The following SUCLG2 variants were observed in gnomAD, a reference collection of about 807,000 sequenced individuals.
SUCLG2 encodes the protein succinate-CoA ligase GDP-forming subunit beta.
SUCLG2 carries 42 observed loss-of-function variants against 47.9 expected under a neutral mutation model. The ratio of observed to expected loss-of-function variants is 0.88; its 90% CI spans 0.69 to 1.14. SUCLG2 has a LOEUF of 1.14. SUCLG2 is among the 50% of genes most tolerant of loss of function. The pLI is 0.00. For missense variants in SUCLG2, 571 were observed against 525.9 expected, an observed-to-expected ratio of 1.09 and a Z score of -0.84; for synonymous variants, 195 against 197.3, an observed-to-expected ratio of 0.99 and a Z score of 0.10.
intron 9 of SUCLG2, among the ~76,000 whole-genome samples, chr3:67,493,303 G>C (rs1222382881): frequency 6.6e-6 from 1 of 152,114 alleles, no homozygotes; most frequent in Non-Finnish European, 1.5e-5. Flanking sequence ...TCAAGATTTG[G>C]AAAAAGTACT....
At chr3:67,393,783 G>A (rs569207139) in intron 10 of SUCLG2, among the ~76,000 whole-genome samples, 8 of 152,156 alleles carry the variant, frequency 5.3e-5, no homozygotes, top group Non-Finnish European at 1.0e-4. Flanking sequence ...AGCAGGGGCA[G>A]ACTGACACCT....
chr3:67,568,371 A>C (rs1014595164), intron 2 of SUCLG2, among the ~76,000 whole-genome samples: 3 of 152,156 alleles, frequency 2.0e-5, no homozygotes, highest in Admixed American at 2.0e-4. Context: ...AAAGACTAAA[A>C]AGTAATATGA....
At chr3:67,387,600 A>T (rs924486495) in intron 10 of SUCLG2, among the ~76,000 whole-genome samples, 2 of 152,204 alleles carry the variant, frequency 1.3e-5, no homozygotes, top group Non-Finnish European at 2.9e-5. Flanking sequence ...AAAGGAGTGC[A>T]TCTTTTATTT....
intron 6 of SUCLG2, among the ~76,000 whole-genome samples, chr3:67,509,321 A>T (rs1028613901): frequency 1.3e-5 from 2 of 152,258 alleles, no homozygotes; most frequent in Non-Finnish European, 1.5e-5. Flanking sequence ...AACAGTTATT[A>T]TATTCATCAA....
At chr3:67,391,918 A>G (rs1408005841) in intron 10 of SUCLG2, among the ~76,000 whole-genome samples, 2 of 152,124 alleles carry the variant, frequency 1.3e-5, no homozygotes, top group Non-Finnish European at 2.9e-5. Flanking sequence ...CTTGCAAGGT[A>G]AGATGGACCT....
chr3:67,557,059 T>A (rs1368517394), intron 2 of SUCLG2, among the ~76,000 whole-genome samples: 1 of 152,186 alleles, frequency 6.6e-6, no homozygotes, highest in Admixed American at 6.5e-5. Flanking sequence ...ATGACTAGTG[T>A]TTATTCCAAA....
At chr3:67,607,816 T>C (rs1423588729) in intron 2 of SUCLG2, among the ~76,000 whole-genome samples, 1 of 152,188 alleles carries the variant, frequency 6.6e-6, no homozygotes, top group Non-Finnish European at 1.5e-5. Context: ...GTTTTATAAA[T>C]GGGAGTTCCC....
intron 9 of SUCLG2, among the ~76,000 whole-genome samples, chr3:67,410,342 G>C (rs79963093): frequency 6.6e-6 from 1 of 152,110 alleles, no homozygotes; most frequent in Non-Finnish European, 1.5e-5. Context: ...CAGCAGACAG[G>C]GTAGTAGTGG....
chr3:67,504,550 A>G (rs910442757), intron 7 of SUCLG2, among the ~76,000 whole-genome samples: 23 of 152,340 alleles, frequency 1.5e-4, no homozygotes, highest in East Asian at 1.3e-3. Context: ...AGATGCCCCA[A>G]AGCAAGAATT....
At chr3:67,603,625 G>A (rs1412514009) in intron 2 of SUCLG2, among the ~76,000 whole-genome samples, 5 of 152,122 alleles carry the variant, frequency 3.3e-5, no homozygotes, top group African/African-American at 1.2e-4. Context: ...ATAAAACTGA[G>A]CTTTTGAAAC....
intron 7 of SUCLG2, among the ~76,000 whole-genome samples, chr3:67,505,502 C>A (rs866728270): frequency 6.6e-6 from 1 of 152,108 alleles, no homozygotes; most frequent in African/African-American, 2.4e-5. Context: ...GTTCTTTCTC[C>A]GTGTCAAAAA....
At chr3:67,475,607 C>G (rs1229008119) in intron 9 of SUCLG2, among the ~76,000 whole-genome samples, 1 of 152,202 alleles carries the variant, frequency 6.6e-6, no homozygotes, top group Admixed American at 6.5e-5. Context: ...ATTTGCTGAG[C>G]ATGAAGCATT....
chr3:67,463,244 A>G (rs1455875366), intron 9 of SUCLG2, among the ~76,000 whole-genome samples: 1 of 152,254 alleles, frequency 6.6e-6, no homozygotes, highest in African/African-American at 2.4e-5. Context: ...ACACTGACAC[A>G]GAGAAAATAT....
rs750956324 is a variant in SUCLG2, at chr3:67,446,417, ATTT to A, written c.1063-45569_1063-45567del. On this transcript the variant is annotated intron_variant, in intron 9 of 10. Transcript: ENST00000307227. Reference sequence around the variant, plus strand: ...GGTATCTAAATATGTACATATGTACATTTTTTTTTTTTTTTTTTTTTTTTTTTT... The same window carrying A: ...GGTATCTAAATATGTACATATGTACATTTTTTTTTTTTTTTTTTTTTTTTT... Among the ~76,000 whole-genome samples the A allele has an allele frequency of 9.2e-3, 297 of 32,132 alleles. 5 individuals carry two copies. The highest frequency in any genetic ancestry group is 0.031 in the African/African-American group (234 of 7,610). The allele number at this position is 32,132 out of a possible 152,430, so 21.1% of individuals were successfully genotyped here. A position where few individuals can be genotyped will look rare whatever the true frequency, so the allele number is the denominator to read the frequency against.
At chr3:67,627,991 G>GT (rs926524718) in intron 1 of SUCLG2, among the ~76,000 whole-genome samples, 17 of 151,946 alleles carry the variant, frequency 1.1e-4, no homozygotes, top group South Asian at 4.2e-4. Context: ...GTTAGTGGTG[G>GT]TTTTTTTTGG....
chr3:67,422,558 G>C (rs1407036059), intron 9 of SUCLG2, among the ~76,000 whole-genome samples: 1 of 148,818 alleles, frequency 6.7e-6, no homozygotes, highest in Non-Finnish European at 1.5e-5. Context: ...ACTGTGTTGA[G>C]ATGTGGAGAC....
intron 9 of SUCLG2, among the ~76,000 whole-genome samples, chr3:67,402,316 A>G (rs1702702285): frequency 1.6e-5 from 1 of 62,716 alleles, no homozygotes; most frequent in African/African-American, 6.9e-5. Context: ...GTGGGCAAGT[A>G]AGAAAACCTT....
At chr3:67,559,022 T>G (rs933609494) in intron 2 of SUCLG2, among the ~76,000 whole-genome samples, 11 of 152,208 alleles carry the variant, frequency 7.2e-5, no homozygotes, top group African/African-American at 2.7e-4. Flanking sequence ...GTTTCAACTC[T>G]TAAAACTATC....
intron 9 of SUCLG2, among the ~76,000 whole-genome samples, chr3:67,490,045 T>G (rs1429072725): frequency 6.6e-6 from 1 of 152,226 alleles, no homozygotes; most frequent in Non-Finnish European, 1.5e-5. Context: ...GTGTTTGCCC[T>G]ATAAAAGTCT....
Sources: allele counts gnomAD v4.1 joint callset (sites outside exome capture counted in the v4.1 genomes callset), GRCh38; gene constraint gnomAD v4.1.1; transcripts MANE v1.5; gene names NCBI Gene and HGNC (gene_info 2026-07-23, HGNC 2026-07-21).